SOX5: variants seen among roughly 807,000 people sequenced by gnomAD.
SOX5 encodes transcription factor SOX-5.
A neutral mutation model predicts 92.0 loss-of-function variants in SOX5; 9 were observed. The ratio of observed to expected loss-of-function variants is 0.10; its 90% CI spans 0.06 to 0.17. SOX5 has a LOEUF of 0.17. SOX5 is among the 10% of genes least tolerant of loss of function. The pLI, the probability that SOX5 is intolerant of heterozygous loss-of-function variation, is 1.00. For synonymous variants in SOX5, 344 were observed against 336.3 expected (o/e 1.02, Z -0.25); for missense variants, 642 against 944.5 (o/e 0.68, Z 4.20).
At chr12:23,553,412 A>C (rs924311257) in intron 11 of SOX5, among the ~76,000 whole-genome samples, 1 of 152,072 alleles carries the variant, frequency 6.6e-6, no homozygotes, top group Non-Finnish European at 1.5e-5. Context: ...AAAGCTACTC[A>C]AAAGAATGTA....
chr12:23,785,509 T>A (rs1356075771), intron 3 of SOX5, among the ~76,000 whole-genome samples: 1 of 152,232 alleles, frequency 6.6e-6, no homozygotes, highest in African/African-American at 2.4e-5. Context: ...TTTGATAATT[T>A]ATTCCAAAAG....
At chr12:24,251,708 A>G (rs1265237207) in intron 3 of SOX5, among the ~76,000 whole-genome samples, 1 of 151,720 alleles carries the variant, frequency 6.6e-6, no homozygotes, top group Non-Finnish European at 1.5e-5. Flanking sequence ...AGTAGCTGGG[A>G]TTACAGGCGC....
chr12:23,739,241 G>A (rs905648302), intron 5 of SOX5, among the ~76,000 whole-genome samples: 1 of 152,080 alleles, frequency 6.6e-6, no homozygotes, highest in African/African-American at 2.4e-5. Flanking sequence ...TGAAAAAGAG[G>A]GCCATACTTA....
chr12:24,214,280 G>C (rs1190671837), intron 3 of SOX5, among the ~76,000 whole-genome samples: 3 of 152,110 alleles, frequency 2.0e-5, no homozygotes, highest in Non-Finnish European at 1.5e-5. Context: ...ATCAGAGACA[G>C]ACTGCAGGGT....
intron 3 of SOX5, among the ~76,000 whole-genome samples, chr12:24,251,192 T>C (rs1380109357): frequency 1.3e-5 from 2 of 152,220 alleles, no homozygotes; most frequent in Non-Finnish European, 2.9e-5. Flanking sequence ...CTTCATTATT[T>C]TTCTCATAAA....
chr12:23,907,398 A>C (rs769175734), intron 1 of SOX5, among the ~76,000 whole-genome samples: 86 of 152,224 alleles, frequency 5.6e-4, no homozygotes, highest in South Asian at 2.1e-4. Context: ...ATCTGATGCT[A>C]ACAACTTTCA....
chr12:23,704,018 G>A (rs973126143), intron 6 of SOX5, among the ~76,000 whole-genome samples: 3 of 151,984 alleles, frequency 2.0e-5, no homozygotes, highest in East Asian at 3.9e-4. Flanking sequence ...AATATAATAC[G>A]ATTTCTAAAA....
chr12:23,804,974 T>A lies in SOX5; in HGVS notation c.481+41009A>T, dbSNP rs113638478. Among the ~76,000 whole-genome samples the A allele has an allele frequency of 1.2e-3, 127 of 106,672 alleles. 1 individual carries two copies. Among genetic ancestry groups the A allele is most frequent in the South Asian group, 2.1e-3 (7 of 3,378 alleles). The allele number at this position is 106,672 out of a possible 152,430, so 70.0% of individuals were successfully genotyped here. ...ATATATATATATATATATATTCCTT[T>A]AAAAAATCTTCAACATAAAAATGTA... On this transcript the variant is annotated intron_variant, in intron 3 of 14. Coordinates refer to ENST00000451604, the MANE Select transcript of SOX5 (RefSeq NM_006940.6).
At chr12:23,797,759 C>T (rs1263169725) in intron 3 of SOX5, among the ~76,000 whole-genome samples, 3 of 152,004 alleles carry the variant, frequency 2.0e-5, no homozygotes, top group African/African-American at 7.2e-5. Flanking sequence ...CTTCCAATAG[C>T]TTTCACTTCT....
chr12:24,524,340 CATCTATCTATCT>C (rs146131503), intron 1 of SOX5, among the ~76,000 whole-genome samples: 8,450 of 145,212 alleles, frequency 0.058, 339 homozygotes, highest in Admixed American at 0.12. Context: ...AATCCCCTCC[CATCTATCTATCT>C]ATCTATCTAT....
intron 3 of SOX5, among the ~76,000 whole-genome samples, chr12:24,263,545 AAAAAAAAC>A (rs1565781869): frequency 0.011 from 1,708 of 148,832 alleles, 52 homozygotes; most frequent in African/African-American, 0.039. Flanking sequence ...AAAAAACAAA[AAAAAAAAC>A]AAAAACAAGA....
chr12:24,303,648 C>T (rs1317860197), intron 2 of SOX5, among the ~76,000 whole-genome samples: 1 of 152,120 alleles, frequency 6.6e-6, no homozygotes, highest in Non-Finnish European at 1.5e-5. Context: ...TTAATATTTG[C>T]ATTAAATAAT....
chr12:24,266,453 C>CAGAAAGTG (rs1943033577), intron 3 of SOX5, among the ~76,000 whole-genome samples: 1 of 152,130 alleles, frequency 6.6e-6, no homozygotes, highest in Non-Finnish European at 1.5e-5. Context: ...CAACTGGACA[C>CAGAAAGTG]AGAAAGTGAG....
At chr12:24,346,144 T>C (rs928659753) in intron 2 of SOX5, among the ~76,000 whole-genome samples, 6 of 152,366 alleles carry the variant, frequency 3.9e-5, no homozygotes, top group South Asian at 4.1e-4. Context: ...GGTCCTTTTA[T>C]TGAAATGCGG....
At chr12:24,267,825 GTTA>G (rs1248147652) in intron 3 of SOX5, among the ~76,000 whole-genome samples, 3 of 152,132 alleles carry the variant, frequency 2.0e-5, no homozygotes, top group African/African-American at 7.2e-5. Flanking sequence ...TTATGCAATT[GTTA>G]TTATATTCTT....
At chr12:24,073,116 A>C (rs1942023205) in intron 4 of SOX5, among the ~76,000 whole-genome samples, 1 of 152,208 alleles carries the variant, frequency 6.6e-6, no homozygotes, top group African/African-American at 2.4e-5. Flanking sequence ...AATGGTGCAC[A>C]AGTGATTTCA....
chr12:23,650,756 T>C (rs1039912353), intron 7 of SOX5, among the ~76,000 whole-genome samples: 26 of 152,126 alleles, frequency 1.7e-4, no homozygotes, highest in African/African-American at 5.8e-4. Context: ...AAGAAGCAAG[T>C]AGAGCTCATA....
intron 6 of SOX5, among the ~76,000 whole-genome samples, chr12:23,688,729 C>T (rs527362446): frequency 5.3e-5 from 8 of 152,184 alleles, no homozygotes; most frequent in African/African-American, 1.9e-4. Flanking sequence ...CTATCATTAA[C>T]TAGAAAAATG....
intron 14 of SOX5, 85 bp downstream of exon 14, chr12:23,536,368 T>C (rs1189907171): frequency 9.3e-7 from 1 of 1,078,544 alleles, no homozygotes; most frequent in East Asian, 2.4e-5. Flanking sequence ...AAAATGTCTT[T>C]TTGCAACTGA....
Sources: gnomAD v4.1 joint callset for allele counts (sites outside exome capture counted in the v4.1 genomes callset) on GRCh38, gnomAD v4.1.1 for gene constraint, MANE v1.5 for transcripts, NCBI Gene and HGNC (gene_info 2026-07-23, HGNC 2026-07-21) for gene names.